Variants in FUS observed in about 807,000 individuals in gnomAD.
FUS encodes RNA-binding protein FUS.
In FUS, 5 loss-of-function variants were observed where a neutral mutation model predicts 82.7. The observed-to-expected ratio is 0.06, with a 90% CI of 0.03 to 0.13. The LOEUF (loss-of-function observed/expected upper bound fraction) is 0.13, where lower values mean the gene tolerates loss of function less well. Ranked by LOEUF, FUS falls within the 10% of genes least tolerant of loss-of-function variation. The pLI is 1.00. For missense variants in FUS, 512 were observed against 707.8 expected, an observed-to-expected ratio of 0.72 and a Z score of 3.14; for synonymous variants, 281 against 247.4, an observed-to-expected ratio of 1.14 and a Z score of -1.27.
chr16:31,192,881 A>G (rs961327232), downstream of FUS: 3 of 485,620 alleles, frequency 6.2e-6, no homozygotes, highest in East Asian at 9.7e-5. Flanking sequence ...CATCCTCTCA[A>G]ATTTTCAAGT....
At chr16:31,190,911 CGGGGAACATA>C in intron 13 of FUS, 42 bp from the exon 14 acceptor site, 1 of 1,612,418 alleles carries the variant, frequency 6.2e-7, no homozygotes, top group East Asian at 2.2e-5. Flanking sequence ...CGGGGAGGCT[CGGGGAACATA>C]GGGGAATGGG....
rs769210290 is a variant in FUS, at chr16:31,191,059, G to T, written c.1490G>T (p.Gly497Val). Residue 497 changes from glycine (G) to valine (V), a missense_variant, in exon 14 of 15, where the codon GGC becomes GTC. Gly to Val is a moderately radical substitution (Grantham distance 109, BLOSUM62 -3). Transcript: ENST00000254108. ...GGGGACCGTGGAGGCTTCCGAGGGGGCCGGGGTGGTGGGGACAGAGGTGGC... is the reference window on the plus strand; with the variant it reads ...GGGGACCGTGGAGGCTTCCGAGGGGTCCGGGGTGGTGGGGACAGAGGTGGC... Reference protein sequence around the residue: ...RGGDRGGFRGGRGGGDRGGFG... With the variant: ...RGGDRGGFRGVRGGGDRGGFG... The T allele has an allele frequency of 3.7e-6, 6 of 1,613,464 alleles. No homozygotes were observed. In the South Asian group the frequency reaches 6.6e-5, roughly 18 times the overall value.
chr16:31,187,515 T>C (rs2079288165), intron 7 of FUS: 1 of 228,728 alleles, frequency 4.4e-6, no homozygotes, highest in Non-Finnish European at 8.7e-6. Flanking sequence ...ACAAACTGAA[T>C]TCATGGAAAA....
intron 5 of FUS, 40 bp downstream of exon 5, chr16:31,184,436 TTC>T (rs769092920): frequency 1.9e-6 from 3 of 1,539,886 alleles, no homozygotes; most frequent in East Asian, 2.3e-5. Flanking sequence ...CATTTTCTTT[TTC>T]TTTTTTTTTT....
chr16:31,187,183 T>C lies in FUS; in HGVS notation c.799+347T>C, dbSNP rs1282217833. On this transcript the variant is annotated intron_variant, in intron 7 of 14. Coordinates refer to ENST00000254108, the MANE Select transcript of FUS (RefSeq NM_004960.4). ...GGAACACGTGGTGCCATCTTGGCTT[T>C]AGGATCCTTTTGATCGTTGTGTCCA... The C allele has an allele frequency of 7.2e-6, 3 of 413,850 alleles. No individual in the cohort carries two copies. The Admixed American group carries it at 1.1e-4, about 15-fold the overall frequency. The allele number at this position is 413,850 out of a possible 1,614,324, so 25.6% of individuals were successfully genotyped here.
chr16:31,194,409 C>T (rs545269450), downstream of FUS: 10 of 512,222 alleles, frequency 2.0e-5, no homozygotes, highest in African/African-American at 7.6e-5. Context: ...CCACCTCAGC[C>T]TCTGGAGTAG....
Position 31,190,268 on chromosome 16 carries a change from G to T in FUS, c.1169-7G>T, listed in dbSNP as rs763718245. 14 of 1,613,998 alleles carry T rather than the reference G, an allele frequency of 8.7e-6. No individual in the cohort carries two copies. The highest frequency in any genetic ancestry group is 1.1e-5 in the South Asian group (1 of 91,066). The stretch of plus-strand genomic sequence containing the variant: ...GAGCAGACCCATACTTGGTCTATCT[G>T]CATTAGGACCCATGGGCCGTGGAGG... On this transcript the variant is annotated splice_region_variant and splice_polypyrimidine_tract_variant and intron_variant, in intron 11 of 14. Transcript: ENST00000254108.
intron 6 of FUS, 87 bp downstream of exon 6, chr16:31,185,266 GT>G (rs1178074376): frequency 1.4e-6 from 2 of 1,428,964 alleles, no homozygotes; most frequent in African/African-American, 2.8e-5. Flanking sequence ...CTAGTGCATG[GT>G]TTAGTATTCT....
chr16:31,181,223 C>T (rs1346232327), intron 1 of FUS, among the ~76,000 whole-genome samples: 4 of 152,280 alleles, frequency 2.6e-5, no homozygotes, highest in Admixed American at 6.5e-5. Flanking sequence ...GTCTAAATTT[C>T]TTTTTTCTGA....
rs372038288 is a variant in FUS, at chr16:31,189,646, C to A, written c.937-19C>A. 1 of 1,614,018 alleles carries A rather than the reference C, an allele frequency of 6.2e-7. No homozygotes were observed. The highest frequency in any genetic ancestry group is 8.5e-7 in the Non-Finnish European group (1 of 1,180,000). ...CTGTAGCCTTTAAAATTGATGTTAC[C>A]TCATTTTGCTTTCTTCAGACAAACA... On this transcript the variant is annotated intron_variant, in intron 9 of 14. Coordinates refer to ENST00000254108, the MANE Select transcript of FUS (RefSeq NM_004960.4).
intron 8 of FUS, chr16:31,188,680 T>C: frequency 2.0e-6 from 1 of 500,726 alleles, no homozygotes; most frequent in Non-Finnish European, 3.5e-6. Flanking sequence ...ATGTGGATCA[T>C]GTCCAAGTTG....
rs750291739 is a variant in FUS at position 31,184,412 on chromosome 16, C to T, written c.523+16C>T. On this transcript the variant is annotated intron_variant, in intron 5 of 14. Transcript: ENST00000254108. ...GGAGGTGGAGGTGAGATGTCTTCAG[C>T]TTTGTCTGCAGCCCATTTTCTTTTT... 1.9e-6 allele frequency: 3 copies of T among 1,583,086 alleles called. No homozygotes were observed. The highest frequency in any genetic ancestry group is 1.1e-5 in the South Asian group (1 of 90,408).
downstream of FUS, chr16:31,191,986 T>C (rs1377938129): frequency 5.6e-6 from 3 of 533,166 alleles, no homozygotes; most frequent in Non-Finnish European, 1.1e-5. Context: ...AATGGGGCAG[T>C]ATTCAGATTT....
chr16:31,185,075 CAGT>C lies in FUS; in HGVS notation c.661_663del (p.Ser221del), dbSNP rs746633090. Reference sequence around the variant, plus strand: ...ACCGTGGAGGCCGCGGCAGGGGTGGCAGTGGTGGCGGCGGCGGCGGCGGCGGTG... The same window carrying C: ...ACCGTGGAGGCCGCGGCAGGGGTGGCGGTGGCGGCGGCGGCGGCGGCGGTG... On this transcript the variant is annotated inframe_deletion, in exon 6 of 15. Transcript: ENST00000254108. The C allele has an allele frequency of 6.8e-5, 109 of 1,609,824 alleles. No homozygotes were observed. Among genetic ancestry groups the C allele is most frequent in the African/African-American group, 1.2e-4 (9 of 74,710 alleles).
chr16:31,185,613 C>G, intron 6 of FUS: 1 of 503,122 alleles, frequency 2.0e-6, no homozygotes, highest in Non-Finnish European at 3.9e-6. Flanking sequence ...CTGACTTCAG[C>G]TTCCAGGAAT....
intron 6 of FUS, chr16:31,186,232 G>A (rs2079267631): frequency 3.9e-6 from 1 of 253,698 alleles, no homozygotes; most frequent in South Asian, 1.2e-4. Context: ...CAGTGTAGAA[G>A]GGGTGACCCC....
chr16:31,188,491 TAGTTAGC>T, intron 8 of FUS, 134 bp downstream of exon 8: 1 of 902,530 alleles, frequency 1.1e-6, no homozygotes, highest in East Asian at 2.4e-5. Context: ...GGTGTGTCCT[TAGTTAGC>T]AGTGAGAAGT....
At chr16:31,189,403 A>G (rs2079318315) in intron 9 of FUS, among the ~76,000 whole-genome samples, 177 bp downstream of exon 9, 1 of 152,222 alleles carries the variant, frequency 6.6e-6, no homozygotes, top group Non-Finnish European at 1.5e-5. Context: ...GAGAAGTTCT[A>G]TCTTAACACA....
intron 3 of FUS, chr16:31,183,239 TCCAGCCTGGGCA>T (rs1237118604): frequency 1.1e-5 from 2 of 175,808 alleles, no homozygotes; most frequent in Non-Finnish European, 2.5e-5. Flanking sequence ...GCCACTGCAT[TCCAGCCTGGGCA>T]GTGTGTTGAG....
Sources: allele counts gnomAD v4.1 joint callset (sites outside exome capture counted in the v4.1 genomes callset), GRCh38; gene constraint gnomAD v4.1.1; transcripts MANE v1.5; gene names NCBI Gene and HGNC (gene_info 2026-07-23, HGNC 2026-07-21).